The following DENND6A variants were observed in gnomAD, a reference collection of about 807,000 sequenced individuals.
The protein encoded by DENND6A is DENN domain containing 6A.
In DENND6A, 43 loss-of-function variants were observed where a neutral mutation model predicts 95.5. The observed-to-expected ratio is 0.45, with a 90% CI of 0.35 to 0.58. The LOEUF is 0.58. Ranked by LOEUF, DENND6A falls within the 20% of genes least tolerant of loss-of-function variation. The probability of loss-of-function intolerance (pLI) is 0.00; values close to 1 mark genes in which losing one functional copy is unlikely to be tolerated. For synonymous variants in DENND6A, 257 were observed against 260.4 expected (o/e 0.99, Z 0.13); for missense variants, 574 against 736.0 (o/e 0.78, Z 2.55).
intron 1 of DENND6A, among the ~76,000 whole-genome samples, chr3:57,681,548 CAGG>C (rs903603141): frequency 5.5e-4 from 82 of 149,690 alleles, no homozygotes; most frequent in African/African-American, 1.9e-3. Flanking sequence ...TGCTTGAGCC[CAGG>C]AGGTCAATGC....
At chr3:57,654,027 A>C (rs1284214336) in intron 9 of DENND6A, among the ~76,000 whole-genome samples, 2 of 137,398 alleles carry the variant, frequency 1.5e-5, no homozygotes, top group African/African-American at 2.8e-5. Flanking sequence ...AGCTCACTGC[A>C]AGCTCCACCT....
At chr3:57,651,716 ATC>A (rs2071213693) in intron 9 of DENND6A, among the ~76,000 whole-genome samples, 1 of 152,160 alleles carries the variant, frequency 6.6e-6, no homozygotes, top group South Asian at 2.1e-4. Context: ...AACCCGGAAT[ATC>A]TCACACCAGA....
chr3:57,631,726 T>C (rs914346937), intron 15 of DENND6A, among the ~76,000 whole-genome samples: 1 of 143,210 alleles, frequency 7.0e-6, no homozygotes, highest in Non-Finnish European at 1.5e-5. Context: ...CTTTTTTTTT[T>C]TTTTTTTTTT....
intron 15 of DENND6A, among the ~76,000 whole-genome samples, chr3:57,632,018 G>A (rs1363304791): frequency 5.3e-5 from 6 of 114,016 alleles, no homozygotes; most frequent in South Asian, 2.8e-4. Flanking sequence ...CACCGCGCCC[G>A]GCCTTTTTTT....
intron 7 of DENND6A, 103 bp from the exon 8 acceptor site, chr3:57,659,283 TACAAAA>T: frequency 8.4e-7 from 1 of 1,189,244 alleles, no homozygotes; most frequent in South Asian, 1.3e-5. Context: ...CCAAAAAAGC[TACAAAA>T]ACAAAATTAT....
rs73084492 is a variant in DENND6A at position 57,646,960 on chromosome 3, G to T, written c.819-522C>A. 8.6e-3 allele frequency among the ~76,000 whole-genome samples: 1,314 copies of T among 152,308 alleles called. 14 individuals are homozygous for T. The highest frequency in any genetic ancestry group is 0.05 in the South Asian group (242 of 4,830). Reference sequence around the variant, plus strand: ...GATACTCCCTCTACAGAAGTGCTGAGTATTTTTACAGCAGCCCTGGAATTG... The same window carrying T: ...GATACTCCCTCTACAGAAGTGCTGATTATTTTTACAGCAGCCCTGGAATTG... On this transcript the variant is annotated intron_variant, in intron 9 of 19. Transcript: ENST00000311128.
chr3:57,678,667 CTCTT>C (rs1336834771), intron 1 of DENND6A, among the ~76,000 whole-genome samples: 2 of 152,250 alleles, frequency 1.3e-5, no homozygotes, highest in Non-Finnish European at 2.9e-5. Flanking sequence ...AGATCTCTCT[CTCTT>C]TCTCTCTACC....
intron 12 of DENND6A, among the ~76,000 whole-genome samples, chr3:57,641,185 T>C (rs1462969258): frequency 1.4e-5 from 2 of 144,988 alleles, no homozygotes; most frequent in African/African-American, 5.0e-5. Flanking sequence ...TTTAAATATA[T>C]ATTTATATAT....
At chr3:57,684,285 C>A (rs1575869982) in intron 1 of DENND6A, among the ~76,000 whole-genome samples, 2 of 151,194 alleles carry the variant, frequency 1.3e-5, no homozygotes, top group Middle Eastern at 7.0e-3. Context: ...CATGGTGAAA[C>A]CCCGTCGTCT....
chr3:57,655,841 A>G (rs1387502758), intron 9 of DENND6A, among the ~76,000 whole-genome samples: 1 of 152,234 alleles, frequency 6.6e-6, no homozygotes, highest in East Asian at 1.9e-4. Flanking sequence ...AATCAGTAAC[A>G]AACAATAAAG....
chr3:57,649,309 A>G (rs535880961), intron 9 of DENND6A, among the ~76,000 whole-genome samples: 2 of 152,320 alleles, frequency 1.3e-5, no homozygotes, highest in East Asian at 3.9e-4. Context: ...ATGCACTAGT[A>G]CCTCACTCCT....
chr3:57,667,578 T>C (rs567913911), intron 3 of DENND6A, among the ~76,000 whole-genome samples: 2 of 152,342 alleles, frequency 1.3e-5, no homozygotes, highest in South Asian at 4.1e-4. Flanking sequence ...GCTTATATAG[T>C]CACTCTCTCT....
intron 9 of DENND6A, among the ~76,000 whole-genome samples, chr3:57,656,765 T>C (rs2071334825): frequency 6.6e-6 from 1 of 152,162 alleles, no homozygotes; most frequent in African/African-American, 2.4e-5. Context: ...GAGACCAGCC[T>C]GGACAACATG....
chr3:57,629,598 G>A (rs564419811), intron 18 of DENND6A, among the ~76,000 whole-genome samples: 11 of 137,112 alleles, frequency 8.0e-5, no homozygotes, highest in South Asian at 7.2e-4. Flanking sequence ...TGCAAGCTCC[G>A]CCTCCCGGGT....
chr3:57,664,900 G>A (rs1331949317), intron 4 of DENND6A, among the ~76,000 whole-genome samples: 1 of 152,128 alleles, frequency 6.6e-6, no homozygotes, highest in Non-Finnish European at 1.5e-5. Context: ...AACACAAAGT[G>A]TTACAGGAAA....
chr3:57,692,687 A>G (rs1028781530), intron 1 of DENND6A, 95 bp downstream of exon 1: 2 of 1,153,282 alleles, frequency 1.7e-6, no homozygotes, highest in African/African-American at 1.6e-5. Flanking sequence ...CGCCGCGGAC[A>G]GGGTCCTGGC....
At chr3:57,676,588 A>G (rs946187062) in intron 1 of DENND6A, among the ~76,000 whole-genome samples, 1 of 152,016 alleles carries the variant, frequency 6.6e-6, no homozygotes, top group Non-Finnish European at 1.5e-5. Context: ...AAGACCTAAC[A>G]CTCAAAATCA....
chr3:57,684,429 CT>C (rs2077193978), intron 1 of DENND6A, among the ~76,000 whole-genome samples: 1 of 152,146 alleles, frequency 6.6e-6, no homozygotes, highest in South Asian at 2.1e-4. Context: ...TGCCACTGCA[CT>C]CTAGCCTGGG....
At chr3:57,636,983 G>T (rs935530863) in intron 12 of DENND6A, among the ~76,000 whole-genome samples, 1 of 150,988 alleles carries the variant, frequency 6.6e-6, no homozygotes, top group Non-Finnish European at 1.5e-5. Flanking sequence ...AGGAGAAAAG[G>T]CCTTTTGAGT....
Sources: gnomAD v4.1 joint callset for allele counts (sites outside exome capture counted in the v4.1 genomes callset) on GRCh38, gnomAD v4.1.1 for gene constraint, MANE v1.5 for transcripts, NCBI Gene and HGNC (gene_info 2026-07-23, HGNC 2026-07-21) for gene names.